Variants in KMT2A observed in about 807,000 individuals in gnomAD.
The protein encoded by KMT2A is lysine methyltransferase 2A.
In KMT2A, 16 loss-of-function variants were observed where a neutral mutation model predicts 345.3. That is an observed-to-expected ratio of 0.05 (90% CI 0.03 to 0.07). KMT2A has a LOEUF of 0.07. Ranked by LOEUF, KMT2A falls within the 10% of genes least tolerant of loss-of-function variation. The pLI, the probability that KMT2A is intolerant of heterozygous loss-of-function variation, is 1.00. For missense variants in KMT2A, 3,272 were observed against 4,841.6 expected (o/e 0.68, Z 9.62); for synonymous variants, 1,599 against 1,778.6 (o/e 0.90, Z 2.54).
intron 1 of KMT2A, among the ~76,000 whole-genome samples, chr11:118,446,232 C>CCAGCTA (rs1555027156): frequency 1.3e-5 from 2 of 151,970 alleles, no homozygotes; most frequent in Non-Finnish European, 2.9e-5. Flanking sequence ...ACCTGCAATC[C>CCAGCTA]CAGCTACTTG....
At position 118,489,803 on chromosome 11, in the gene KMT2A, G is replaced by A; in HGVS notation, c.4491G>A (p.Glu1497=). The A allele has an allele frequency of 1.2e-6, 2 of 1,614,102 alleles. No individual in the cohort carries two copies. The highest frequency in any genetic ancestry group is 1.7e-6 in the Non-Finnish European group (2 of 1,179,972). The change falls in exon 12 of 36, where the codon GAG becomes GAA. Residue 1497 remains glutamate (E), a synonymous_variant. Transcript: ENST00000534358. ...ATATTTTCTTACAGCAGCTGCTGGAGTGTAATAAGTGCCGAAACAGCTATC... is the reference window on the plus strand; with the variant it reads ...ATATTTTCTTACAGCAGCTGCTGGAATGTAATAAGTGCCGAAACAGCTATC... ...RQHQATKQLL[E]CNKCRNSYHP... is the part of the protein sequence containing the mutation.
At chr11:118,499,218 T>G (rs556778557) in intron 22 of KMT2A, 85 bp from the exon 23 acceptor site, 1 of 843,066 alleles carries the variant, frequency 1.2e-6, no homozygotes, top group African/African-American at 1.7e-5. Context: ...ATATGCTATG[T>G]GCCTTCCACT....
At chr11:118,499,948 A>G in intron 24 of KMT2A, 35 bp downstream of exon 24, 3 of 1,390,372 alleles carry the variant, frequency 2.2e-6, no homozygotes, top group Non-Finnish European at 3.1e-6. Flanking sequence ...GAGCAGCCCC[A>G]CAACCTGAAC....
Position 118,521,155 on chromosome 11 carries a change from G to A in KMT2A, c.11514-133G>A. The A allele has an allele frequency of 3.0e-6, 3 of 1,005,270 alleles. No individual in the cohort carries two copies. The highest frequency in any genetic ancestry group is 3.2e-5 in the South Asian group (2 of 61,752). The allele number at this position is 1,005,270 out of a possible 1,614,324, so 62.3% of individuals were successfully genotyped here. On this transcript the variant is annotated intron_variant, in intron 34 of 35. Coordinates refer to ENST00000534358, the MANE Select transcript of KMT2A (RefSeq NM_001197104.2). The surrounding 1 kb of genome is among the most constrained non-coding windows in gnomAD (Gnocchi z 5.3). Reference sequence around the variant, plus strand: ...TGTGTTAGATGGCCAAATCAAGTGGGTCCAAATTTTTATTTTCTCAAGTAT... The same window carrying A: ...TGTGTTAGATGGCCAAATCAAGTGGATCCAAATTTTTATTTTCTCAAGTAT...
rs1555042626 is a variant in KMT2A, at chr11:118,491,944, T to G, written c.5004+16T>G. ...CTACCGGCAGGTAGGCCAAGTCTCA[T>G]TTTTTTCTGAGAGCTTGTTCTTAGG... On this transcript the variant is annotated intron_variant, in intron 15 of 35. Coordinates refer to ENST00000534358, the MANE Select transcript of KMT2A (RefSeq NM_001197104.2). The surrounding 1 kb of genome is among the most constrained non-coding windows in gnomAD (Gnocchi z 4.2). 3 of 1,596,360 alleles carry G rather than the reference T, an allele frequency of 1.9e-6. No individual in the cohort carries two copies. The highest frequency in any genetic ancestry group is 2.7e-5 in the African/African-American group (2 of 74,366).
chr11:118,499,443 G>T, intron 23 of KMT2A, 23 bp downstream of exon 23: 1 of 1,386,714 alleles, frequency 7.2e-7, no homozygotes, highest in African/African-American at 1.6e-5. Context: ...CTTGGTTATT[G>T]GGGAAGGCTG....
At position 118,498,160 on chromosome 11, in the gene KMT2A, A is replaced by G; in HGVS notation, c.5802+87A>G. 1 of 1,438,616 alleles carries G rather than the reference A, an allele frequency of 7.0e-7. No individual in the cohort carries two copies. Among genetic ancestry groups the G allele is most frequent in the Non-Finnish European group, 9.7e-7 (1 of 1,036,026 alleles). The allele number at this position is 1,438,616 out of a possible 1,614,324, so 89.1% of individuals were successfully genotyped here. On this transcript the variant is annotated intron_variant, in intron 21 of 35. Coordinates refer to ENST00000534358, the MANE Select transcript of KMT2A (RefSeq NM_001197104.2). This position sits in a 1 kb window ranked among gnomAD's most constrained non-coding sequence, Gnocchi z 4.4. ...TGTGGGTGAATATGGCCTCCCTGAT[A>G]TTTTTCACAGTGCCATCAGGGTAGT...
intron 1 of KMT2A, among the ~76,000 whole-genome samples, chr11:118,438,573 T>C (rs1949248711): frequency 1.3e-5 from 2 of 152,058 alleles, no homozygotes; most frequent in South Asian, 4.1e-4. Context: ...AACCAGCCGT[T>C]TCCTGCGTGC....
chr11:118,473,378 T>C lies in KMT2A; in HGVS notation c.2219T>C (p.Val740Ala). The C allele has an allele frequency of 6.2e-7, 1 of 1,613,980 alleles. No individual in the cohort carries two copies. The highest frequency in any genetic ancestry group is 8.5e-7 in the Non-Finnish European group (1 of 1,179,986). ...GVSNRKRKRKVFSPIRSEPRS... is the reference protein window; with the variant it reads ...GVSNRKRKRKAFSPIRSEPRS... Reference sequence around the variant, plus strand: ...TCCAATAGAAAAAGGAAAAGAAAAGTGTTTAGTCCTATTCGATCTGAACCA... The same window carrying C: ...TCCAATAGAAAAAGGAAAAGAAAAGCGTTTAGTCCTATTCGATCTGAACCA... The change falls in exon 3 of 36, where the codon GTG (valine) becomes GCG (alanine). Residue 740 changes from valine to alanine, a missense_variant. Physicochemically the swap from Val to Ala is moderately conservative, Grantham distance 64. This residue lies in a region of KMT2A where 114 missense variants were observed against 203.2 expected (regional missense o/e 0.56). Transcript: ENST00000534358. This position sits in a 1 kb window ranked among gnomAD's most constrained non-coding sequence, Gnocchi z 5.2.
intron 31 of KMT2A, among the ~76,000 whole-genome samples, chr11:118,514,130 G>A (rs1328216004): frequency 1.3e-5 from 2 of 151,986 alleles, no homozygotes; most frequent in Non-Finnish European, 2.9e-5. Flanking sequence ...GTCTCCAGAG[G>A]TGCCTCAAAA....
In KMT2A at chr11:118,524,636, T is replaced by C; in HGVS notation, c.*2464T>C. 5.5e-6 allele frequency: 1 copy of C among 180,422 alleles called. No homozygotes were observed. Among genetic ancestry groups the C allele is most frequent in the Non-Finnish European group, 1.2e-5 (1 of 84,084 alleles). The allele number at this position is 180,422 out of a possible 1,614,324, so 11.2% of individuals were successfully genotyped here. A position where few individuals can be genotyped will look rare whatever the true frequency, so the allele number is the denominator to read the frequency against. ...GATGCAGTGGCCCTAGGGGTTCCACTAGTGTCTGCTTTCCTTTATTATTGC... is the reference window on the plus strand; with the variant it reads ...GATGCAGTGGCCCTAGGGGTTCCACCAGTGTCTGCTTTCCTTTATTATTGC... On this transcript the variant is annotated 3_prime_UTR_variant, in exon 36 of 36. Coordinates refer to ENST00000534358, the MANE Select transcript of KMT2A (RefSeq NM_001197104.2).
In KMT2A at chr11:118,505,849, A is replaced by T. The variant is rs745636858; in HGVS notation, c.9957A>T (p.Thr3319=). 3 of 1,614,184 alleles carry T rather than the reference A, an allele frequency of 1.9e-6. No individual in the cohort carries two copies. Among genetic ancestry groups the T allele is most frequent in the Admixed American group, 3.3e-5 (2 of 60,030 alleles). Residue 3319 remains threonine (T), a synonymous_variant, in exon 27 of 36, where the codon ACA becomes ACT. Transcript: ENST00000534358. The surrounding 1 kb of genome is among the most constrained non-coding windows in gnomAD (Gnocchi z 4.6). ...VGGTAATAAG[T]STISQDTSHL... ...GAACTGCTGCCACAGCGGCAGGCACATCAACAATAAGCCAGGATACTAGCC... is the reference window on the plus strand; with the variant it reads ...GAACTGCTGCCACAGCGGCAGGCACTTCAACAATAAGCCAGGATACTAGCC...
intron 1 of KMT2A, among the ~76,000 whole-genome samples, chr11:118,446,241 T>TG (rs375294084): frequency 6.6e-6 from 1 of 151,358 alleles, no homozygotes; most frequent in African/African-American, 2.4e-5. Context: ...CCCAGCTACT[T>TG]GGGGGGCTGA....
In KMT2A at chr11:118,519,728, C is replaced by A. The variant is rs2135283177; in HGVS notation, c.11257C>A (p.Pro3753Thr). ...AAATTACAAATTCCGTTTCCACAAG[C>A]CAGAGGAGGCCAATGAACCCCCCTT... is the stretch of plus-strand genomic sequence containing the variant. The part of the protein sequence containing the change: ...CRNYKFRFHK[P>T]EEANEPPLNP... The change falls in exon 32 of 36, where the codon CCA becomes ACA. Residue 3753 changes from proline (P) to threonine (T), a missense_variant. This residue lies in a region of KMT2A where 72 missense variants were observed against 135.6 expected (regional missense o/e 0.53). Transcript: ENST00000534358. 6.2e-7 allele frequency: 1 copy of A among 1,614,144 alleles called. No homozygotes were observed. The highest frequency in any genetic ancestry group is 8.5e-7 in the Non-Finnish European group (1 of 1,180,034).
chr11:118,469,518 C>G (rs1949907096), intron 2 of KMT2A, among the ~76,000 whole-genome samples: 1 of 152,150 alleles, frequency 6.6e-6, no homozygotes, highest in African/African-American at 2.4e-5. Flanking sequence ...AACAAAATAT[C>G]TAGAATATCT....
At chr11:118,439,606 A>G (rs1434085778) in intron 1 of KMT2A, among the ~76,000 whole-genome samples, 7 of 152,212 alleles carry the variant, frequency 4.6e-5, no homozygotes, top group Non-Finnish European at 1.0e-4. Flanking sequence ...ATAATTGTAA[A>G]CTACTGTTTT....
rs1950405830 is a variant in KMT2A, at chr11:118,496,157, G to A, written c.5558-104G>A. Reference sequence around the variant, plus strand: ...GAAAAGTGGTTATTTTATAGGCTGTGGGCTATGTAAGCTGAATTATTTCTT... The same window carrying A: ...GAAAAGTGGTTATTTTATAGGCTGTAGGCTATGTAAGCTGAATTATTTCTT... On this transcript the variant is annotated intron_variant, in intron 19 of 35. Transcript: ENST00000534358. The surrounding 1 kb of genome is among the most constrained non-coding windows in gnomAD (Gnocchi z 4.7). The A allele has an allele frequency of 2.3e-6, 2 of 878,472 alleles. No homozygotes were observed. Among genetic ancestry groups the A allele is most frequent in the African/African-American group, 1.7e-5 (1 of 60,212 alleles). The allele number at this position is 878,472 out of a possible 1,614,324, so 54.4% of individuals were successfully genotyped here.
At position 118,473,929 on chromosome 11, in the gene KMT2A, T is replaced by A; in HGVS notation, c.2770T>A (p.Ser924Thr). 6.2e-7 allele frequency: 1 copy of A among 1,614,132 alleles called. No individual in the cohort carries two copies. Among genetic ancestry groups the A allele is most frequent in the Non-Finnish European group, 8.5e-7 (1 of 1,179,988 alleles). Residue 924 changes from serine to threonine, a missense_variant, in exon 3 of 36, where the codon TCA (serine) becomes ACA (threonine). Around this residue, in one of 27 missense-constraint regions of KMT2A, gnomAD observed 209 missense variants for 237.4 expected, o/e 0.88. Transcript: ENST00000534358. The surrounding 1 kb of genome is among the most constrained non-coding windows in gnomAD (Gnocchi z 5.2). ...EKVVGEDVAT[S>T]SSAKKATGRK... is the part of the protein sequence containing the mutation. ...GGTTGTTGGTGAAGATGTTGCCACT[T>A]CATCTTCTGCCAAAAAAGCAACAGG...
Position 118,473,837 on chromosome 11 carries a change from G to A in KMT2A, c.2678G>A (p.Arg893Lys). The change falls in exon 3 of 36, where the codon AGG (arginine) becomes AAG (lysine). Residue 893 changes from arginine to lysine, a missense_variant. Physicochemically the swap from Arg to Lys is conservative, Grantham distance 26. This residue lies in a region of KMT2A where 209 missense variants were observed against 237.4 expected (regional missense o/e 0.88). Transcript: ENST00000534358. The surrounding 1 kb of genome is among the most constrained non-coding windows in gnomAD (Gnocchi z 5.2). ...AAGCGGGAGTCAAGGAAAGAGAAAA[G>A]GAAAAAGGGATCAGAAATTCAGAGT... ...ENKRESRKEK[R>K]KKGSEIQSSS... is the part of the protein sequence containing the mutation. 2.5e-6 allele frequency: 4 copies of A among 1,614,122 alleles called. No homozygotes were observed. The highest frequency in any genetic ancestry group is 3.4e-6 in the Non-Finnish European group (4 of 1,180,006).
Sources: allele counts gnomAD v4.1 joint callset (sites outside exome capture counted in the v4.1 genomes callset), GRCh38; gene constraint gnomAD v4.1.1; regional missense constraint gnomAD v4.1.1; non-coding constraint Gnocchi (gnomAD v3.1); transcripts MANE v1.5; gene names NCBI Gene and HGNC (gene_info 2026-07-23, HGNC 2026-07-21).